Variants in SLC44A5 observed in about 807,000 individuals in gnomAD.
SLC44A5 encodes the protein choline transporter-like protein 5.
SLC44A5 carries 57 observed loss-of-function variants against 101.8 expected under a neutral mutation model. That is an observed-to-expected ratio of 0.56 (90% CI 0.45 to 0.70). The LOEUF (loss-of-function observed/expected upper bound fraction) is 0.70. SLC44A5 is among the 30% of genes least tolerant of loss of function. SLC44A5 has a pLI of 0.00. For missense variants in SLC44A5, 737 were observed against 853.1 expected, an observed-to-expected ratio of 0.86 and a Z score of 1.70; for synonymous variants, 281 against 290.9, an observed-to-expected ratio of 0.97 and a Z score of 0.35.
At chr1:75,596,530 T>G (rs1050725446) in intron 1 of SLC44A5, among the ~76,000 whole-genome samples, 28 of 152,212 alleles carry the variant, frequency 1.8e-4, no homozygotes, top group African/African-American at 6.7e-4. Flanking sequence ...ATATCCTTCA[T>G]GAACATCCAT....
rs71081318 is a variant in SLC44A5, at chr1:75,238,385, CATATATATATATATAT to C, written c.656+112_656+127del. 5.8e-4 allele frequency: 124 copies of C among 215,216 alleles called. 9 individuals are homozygous for C. Among genetic ancestry groups the C allele is most frequent in the South Asian group, 2.1e-3 (12 of 5,674 alleles). The allele number at this position is 215,216 out of a possible 1,614,324, so 13.3% of individuals were successfully genotyped here. A position where few individuals can be genotyped will look rare whatever the true frequency, so the allele number is the denominator to read the frequency against. ...TCAATTCACAGTAACACGTATATTT[CATATATATATATATAT>C]ATATATATATATGTGATTATTTTCC... On this transcript the variant is annotated intron_variant, in intron 10 of 23. Transcript: ENST00000370859.
At chr1:75,614,942 G>T (rs987313472), upstream of SLC44A5, among the ~76,000 whole-genome samples, 2 of 152,064 alleles carry the variant, frequency 1.3e-5, no homozygotes, top group Admixed American at 1.3e-4. Context: ...TGCGACCTCT[G>T]CGAGTCCGCG....
chr1:75,584,501 C>T (rs1673882067), intron 1 of SLC44A5, among the ~76,000 whole-genome samples: 2 of 152,202 alleles, frequency 1.3e-5, no homozygotes. Context: ...GACGGATTCA[C>T]TGACACTTTC....
At chr1:75,318,395 GAAA>G (rs1655871977) in intron 4 of SLC44A5, among the ~76,000 whole-genome samples, 2 of 147,788 alleles carry the variant, frequency 1.4e-5, no homozygotes, top group African/African-American at 5.0e-5. Context: ...AAGAAAGAAA[GAAA>G]GAAAGAAAGA....
the SLC44A5 span, among the ~76,000 whole-genome samples, chr1:75,648,517 T>C: frequency 6.6e-6 from 1 of 152,102 alleles, no homozygotes; most frequent in Non-Finnish European, 1.5e-5. Context: ...CCTTCAGGTA[T>C]AGGGCAGGAC....
At chr1:75,279,331 A>C (rs1420254692) in intron 5 of SLC44A5, among the ~76,000 whole-genome samples, 1 of 152,120 alleles carries the variant, frequency 6.6e-6, no homozygotes, top group African/African-American at 2.4e-5. Context: ...GTTTTCACCT[A>C]CATCAGTGGG....
intron 5 of SLC44A5, 80 bp downstream of exon 5, chr1:75,300,532 A>T: frequency 1.1e-6 from 1 of 939,722 alleles, no homozygotes; most frequent in South Asian, 1.8e-5. Flanking sequence ...GGAAGACAAT[A>T]ATTAATTTTT....
At chr1:75,599,648 G>A (rs1161522589) in intron 1 of SLC44A5, among the ~76,000 whole-genome samples, 1 of 152,142 alleles carries the variant, frequency 6.6e-6, no homozygotes, top group Non-Finnish European at 1.5e-5. Flanking sequence ...TTACAGAGAA[G>A]TTGACATTTG....
chr1:75,289,998 G>C (rs748851740), intron 5 of SLC44A5, among the ~76,000 whole-genome samples: 1 of 152,166 alleles, frequency 6.6e-6, no homozygotes, highest in Non-Finnish European at 1.5e-5. Flanking sequence ...CTTCTGTAGA[G>C]GTAGTTTTCA....
intron 2 of SLC44A5, among the ~76,000 whole-genome samples, chr1:75,420,425 T>TAATG (rs1663932802): frequency 6.6e-6 from 1 of 152,058 alleles, no homozygotes; most frequent in Non-Finnish European, 1.5e-5. Flanking sequence ...TAGGACAAAT[T>TAATG]AATGAATGAA....
At chr1:75,682,114 T>G in the SLC44A5 span, among the ~76,000 whole-genome samples, 3 of 152,032 alleles carry the variant, frequency 2.0e-5, no homozygotes, top group Admixed American at 6.6e-5. Flanking sequence ...AGGATACAAA[T>G]AAATGGAAGA....
rs536553032 is a variant in SLC44A5 at position 75,317,286 on chromosome 1, G to T, written c.102-16601C>A. On this transcript the variant is annotated intron_variant, in intron 4 of 23. Transcript: ENST00000370859. ...CCACAGCCGGACTTAGACTTAAGAA[G>T]GACTTAAACCAGGACCGAGGCTCTG... Among the ~76,000 whole-genome samples, 8 of 152,260 alleles carry T rather than the reference G, an allele frequency of 5.3e-5. 1 individual carries two copies. The South Asian group carries it at 1.5e-3, about 28-fold the overall frequency.
intron 6 of SLC44A5, among the ~76,000 whole-genome samples, chr1:75,267,424 G>T (rs1182324064): frequency 6.6e-6 from 1 of 151,990 alleles, no homozygotes; most frequent in Non-Finnish European, 1.5e-5. Flanking sequence ...GGAAAATTCG[G>T]TAGGAATATA....
intron 2 of SLC44A5, among the ~76,000 whole-genome samples, chr1:75,493,242 A>G (rs570643410): frequency 1.3e-5 from 2 of 152,326 alleles, no homozygotes; most frequent in Non-Finnish European, 2.9e-5. Flanking sequence ...GAACAATGAC[A>G]TACATAAAGA....
At chr1:75,635,300 C>T in the SLC44A5 span, among the ~76,000 whole-genome samples, 5 of 151,762 alleles carry the variant, frequency 3.3e-5, no homozygotes, top group Middle Eastern at 3.4e-3. Context: ...CCAGCCATCC[C>T]ATTACTGGGT....
At chr1:75,256,002 G>A (rs1314777123) in intron 6 of SLC44A5, among the ~76,000 whole-genome samples, 1 of 151,936 alleles carries the variant, frequency 6.6e-6, no homozygotes, top group Non-Finnish European at 1.5e-5. Flanking sequence ...TCTTTTTTTA[G>A]GAAGGTAATT....
At chr1:75,422,659 G>T (rs554461020) in intron 2 of SLC44A5, among the ~76,000 whole-genome samples, 1 of 152,304 alleles carries the variant, frequency 6.6e-6, no homozygotes, top group East Asian at 1.9e-4. Flanking sequence ...TGTGCAGCAA[G>T]TTTTACATGT....
At chr1:75,712,599 T>A in the SLC44A5 span, among the ~76,000 whole-genome samples, 10 of 149,750 alleles carry the variant, frequency 6.7e-5, no homozygotes, top group Admixed American at 6.1e-4. Flanking sequence ...AGTGGTATAA[T>A]CATAAATTAC....
At chr1:75,388,886 A>T (rs963229402) in intron 3 of SLC44A5, among the ~76,000 whole-genome samples, 4 of 151,812 alleles carry the variant, frequency 2.6e-5, no homozygotes, top group African/African-American at 4.8e-5. Flanking sequence ...TTTTTCTTTT[A>T]AAAAAAAGAC....
Sources: allele counts gnomAD v4.1 joint callset (sites outside exome capture counted in the v4.1 genomes callset), GRCh38; gene constraint gnomAD v4.1.1; transcripts MANE v1.5; gene names NCBI Gene and HGNC (gene_info 2026-07-23, HGNC 2026-07-21).